LGSN: variants seen among roughly 807,000 people sequenced by gnomAD.
The protein encoded by LGSN is lengsin.
Under a neutral mutation model 19.5 loss-of-function variants are expected in LGSN, and 21 were observed. That is an observed-to-expected ratio of 1.07 (90% CI 0.76 to 1.55). LGSN has a LOEUF of 1.55. LGSN is among the 40% of genes most tolerant of loss of function. The pLI is 0.00. For synonymous variants in LGSN, 257 were observed against 215.6 expected, an observed-to-expected ratio of 1.19 and a Z score of -1.68; for missense variants, 673 against 608.5, an observed-to-expected ratio of 1.11 and a Z score of -1.12.
At chr6:63,287,042 G>A (rs1767567152) in intron 2 of LGSN, among the ~76,000 whole-genome samples, 2 of 152,198 alleles carry the variant, frequency 1.3e-5, no homozygotes, top group South Asian at 2.1e-4. Context: ...TAATTTTAAA[G>A]TGATACCTGA....
chr6:63,520,219 C>A, the LGSN span, among the ~76,000 whole-genome samples: 1 of 152,134 alleles, frequency 6.6e-6, no homozygotes, highest in Non-Finnish European at 1.5e-5. Context: ...GGAATATTTT[C>A]CCATTAGACA....
At chr6:63,478,970 A>T in the LGSN span, among the ~76,000 whole-genome samples, 2 of 152,228 alleles carry the variant, frequency 1.3e-5, no homozygotes, top group South Asian at 2.1e-4. Context: ...GTATAAAAGG[A>T]TACAGACAAG....
the LGSN span, among the ~76,000 whole-genome samples, chr6:63,514,152 A>C: frequency 6.6e-6 from 1 of 152,158 alleles, no homozygotes; most frequent in Non-Finnish European, 1.5e-5. Context: ...CCAAAGGCAC[A>C]CTACAAATAA....
At chr6:63,476,013 C>G in the LGSN span, among the ~76,000 whole-genome samples, 1 of 152,014 alleles carries the variant, frequency 6.6e-6, no homozygotes, top group East Asian at 1.9e-4. Context: ...GATCAAGAGC[C>G]GAGTGGAGAT....
the LGSN span, among the ~76,000 whole-genome samples, chr6:63,526,116 G>A: frequency 6.6e-6 from 1 of 151,718 alleles, no homozygotes; most frequent in Non-Finnish European, 1.5e-5. Context: ...CCTGAAGTCA[G>A]GAGTTCAAGA....
the LGSN span, among the ~76,000 whole-genome samples, chr6:63,367,939 C>T: frequency 3.0e-5 from 4 of 132,362 alleles, no homozygotes; most frequent in African/African-American, 8.5e-5. Flanking sequence ...TGGGGCCTGT[C>T]GTGGGGTGGG....
chr6:63,284,537 A>G (rs754602138), intron 3 of LGSN, among the ~76,000 whole-genome samples: 1 of 152,182 alleles, frequency 6.6e-6, no homozygotes, highest in Admixed American at 6.5e-5. Context: ...CCATTAGTAA[A>G]ATAAATGATT....
chr6:63,384,677 A>G, the LGSN span, among the ~76,000 whole-genome samples: 2 of 152,058 alleles, frequency 1.3e-5, no homozygotes, highest in Non-Finnish European at 2.9e-5. Context: ...ACTACTACAC[A>G]TGGCTAATTT....
the LGSN span, among the ~76,000 whole-genome samples, chr6:63,399,240 G>A: frequency 6.6e-5 from 10 of 151,934 alleles, no homozygotes; most frequent in African/African-American, 2.2e-4. Context: ...TTGTAGCCTC[G>A]GAGCAATAGG....
the LGSN span, among the ~76,000 whole-genome samples, chr6:63,420,064 A>G: frequency 6.6e-3 from 999 of 151,756 alleles, 7 homozygotes; most frequent in African/African-American, 0.022. Context: ...TTAGCTGGGC[A>G]TGATGGCAGG....
the LGSN span, among the ~76,000 whole-genome samples, chr6:63,432,373 G>T: frequency 6.6e-6 from 1 of 151,938 alleles, no homozygotes; most frequent in Non-Finnish European, 1.5e-5. Flanking sequence ...TATAGATAGG[G>T]CTGCTATGTG....
At chr6:63,412,677 GAA>G in the LGSN span, among the ~76,000 whole-genome samples, 1 of 120,876 alleles carries the variant, frequency 8.3e-6, no homozygotes, top group Non-Finnish European at 1.6e-5. Flanking sequence ...AGGAAAGGAA[GAA>G]AGAAAGAAAG....
chr6:63,559,836 A>G, the LGSN span, among the ~76,000 whole-genome samples: 3 of 152,122 alleles, frequency 2.0e-5, no homozygotes, highest in African/African-American at 4.8e-5. Context: ...AGGTTTGCCC[A>G]GGCTGGTTTC....
the LGSN span, among the ~76,000 whole-genome samples, chr6:63,439,125 A>G: frequency 1.3e-5 from 2 of 151,944 alleles, no homozygotes; most frequent in African/African-American, 4.8e-5. Flanking sequence ...AACACCGCAT[A>G]TTCTCACTCA....
chr6:63,419,877 TCC>T, the LGSN span, among the ~76,000 whole-genome samples: 1 of 65,688 alleles, frequency 1.5e-5, no homozygotes, highest in Non-Finnish European at 2.6e-5. Context: ...CGAAACTCCC[TCC>T]CAAAAAAAAA....
chr6:63,541,858 T>C, the LGSN span, among the ~76,000 whole-genome samples: 1 of 152,198 alleles, frequency 6.6e-6, no homozygotes, highest in Non-Finnish European at 1.5e-5. Context: ...ACATCATCAA[T>C]ATTTCCCTCT....
At chr6:63,503,367 G>A in the LGSN span, among the ~76,000 whole-genome samples, 3 of 152,184 alleles carry the variant, frequency 2.0e-5, no homozygotes, top group Non-Finnish European at 4.4e-5. Flanking sequence ...TGGAAGTAAG[G>A]CTAGAGAACC....
chr6:63,527,427 A>G, the LGSN span, among the ~76,000 whole-genome samples: 2 of 152,170 alleles, frequency 1.3e-5, no homozygotes, highest in Non-Finnish European at 2.9e-5. Context: ...ATAGTCATCT[A>G]CTATTTGATG....
At chr6:63,430,834 C>T in the LGSN span, among the ~76,000 whole-genome samples, 6 of 152,210 alleles carry the variant, frequency 3.9e-5, no homozygotes, top group East Asian at 3.9e-4. Context: ...ATCCACTGCC[C>T]GAGGTCAGAC....
Sources: gnomAD v4.1 joint callset for allele counts (sites outside exome capture counted in the v4.1 genomes callset) on GRCh38, gnomAD v4.1.1 for gene constraint, MANE v1.5 for transcripts, NCBI Gene and HGNC (gene_info 2026-07-23, HGNC 2026-07-21) for gene names.